The following PPFIA2 variants were observed in gnomAD, a reference collection of about 807,000 sequenced individuals.
The protein encoded by PPFIA2 is PPFI scaffold protein A2, also known as liprin-alpha-2.
Under a neutral mutation model 175.5 loss-of-function variants are expected in PPFIA2, and 46 were observed. That is an observed-to-expected ratio of 0.26 (90% CI 0.21 to 0.34). PPFIA2 has a LOEUF of 0.34. Among genes scored for constraint, PPFIA2 ranks in the 10% least tolerant of loss-of-function variants. PPFIA2 has a pLI of 1.00. For missense variants in PPFIA2, 1,179 were observed against 1,506.1 expected, an observed-to-expected ratio of 0.78 and a Z score of 3.60; for synonymous variants, 568 against 511.4, an observed-to-expected ratio of 1.11 and a Z score of -1.49.
intron 4 of PPFIA2, among the ~76,000 whole-genome samples, chr12:81,555,641 G>A (rs1594887151): frequency 6.6e-6 from 1 of 151,844 alleles, no homozygotes; most frequent in Admixed American, 6.6e-5. Flanking sequence ...GGATGACAAA[G>A]CACAAAAAAT....
chr12:81,288,805 C>T (rs961359728), intron 24 of PPFIA2, among the ~76,000 whole-genome samples: 1 of 151,720 alleles, frequency 6.6e-6, no homozygotes, highest in Non-Finnish European at 1.5e-5. Flanking sequence ...AAATCCTTCT[C>T]ATTATAATAA....
chr12:81,493,099 A>C (rs769860414), intron 4 of PPFIA2, among the ~76,000 whole-genome samples: 5 of 152,034 alleles, frequency 3.3e-5, no homozygotes, highest in Non-Finnish European at 7.4e-5. Context: ...ATTATGAGAA[A>C]AGGTTTGGAA....
chr12:81,363,640 ATTTTTTTTTGTTAATGTG>A (rs2031923552), intron 14 of PPFIA2, among the ~76,000 whole-genome samples: 1 of 149,646 alleles, frequency 6.7e-6, no homozygotes, highest in Admixed American at 6.7e-5. Context: ...TTCTCACCAC[ATTTTTTTTTGTTAATGTG>A]GCCTTTGCAA....
chr12:81,749,693 T>C (rs1238832254), intron 3 of PPFIA2, among the ~76,000 whole-genome samples: 1 of 144,332 alleles, frequency 6.9e-6, no homozygotes, highest in East Asian at 2.1e-4. Flanking sequence ...AGTAATTCCA[T>C]ATTTAATTTT....
intron 29 of PPFIA2, 155 bp from the exon 30 acceptor site, chr12:81,267,175 T>A: frequency 1.6e-6 from 1 of 634,250 alleles, no homozygotes; most frequent in Non-Finnish European, 2.7e-6. Flanking sequence ...CCATTGTAAA[T>A]TTTAACTACA....
chr12:81,566,697 G>C (rs1318187808), intron 4 of PPFIA2, among the ~76,000 whole-genome samples: 1 of 152,096 alleles, frequency 6.6e-6, no homozygotes, highest in Non-Finnish European at 1.5e-5. Context: ...CATTCTCTTA[G>C]GGGGATATAC....
At chr12:81,377,151 G>A (rs2036550472) in intron 9 of PPFIA2, among the ~76,000 whole-genome samples, 1 of 152,084 alleles carries the variant, frequency 6.6e-6, no homozygotes, top group East Asian at 1.9e-4. Flanking sequence ...ATGAAAACTT[G>A]AAGTGAGATG....
At chr12:81,750,740 A>T (rs2471490) in intron 3 of PPFIA2, among the ~76,000 whole-genome samples, 127,160 of 152,114 alleles carry the variant, frequency 0.84, 54,674 homozygotes, top group Middle Eastern at 0.96. Flanking sequence ...ATTGTTGCAT[A>T]CTTTTATAAA....
intron 4 of PPFIA2, among the ~76,000 whole-genome samples, chr12:81,527,359 G>A (rs528790916): frequency 4.5e-5 from 6 of 134,452 alleles, no homozygotes; most frequent in Admixed American, 2.2e-4. Flanking sequence ...TATACACCCC[G>A]GGGAGCTCCA....
intron 4 of PPFIA2, among the ~76,000 whole-genome samples, chr12:81,668,408 A>G (rs1399296704): frequency 6.6e-6 from 1 of 152,058 alleles, no homozygotes; most frequent in Non-Finnish European, 1.5e-5. Context: ...AGAAGAAACA[A>G]ACATCTGATT....
intron 4 of PPFIA2, among the ~76,000 whole-genome samples, chr12:81,666,434 A>T (rs2070304242): frequency 6.6e-6 from 1 of 152,200 alleles, no homozygotes; most frequent in Non-Finnish European, 1.5e-5. Flanking sequence ...TGCAGCCATA[A>T]AAAATGATGA....
Position 81,343,944 on chromosome 12 carries a change from A to C in PPFIA2, c.2262+720T>G, listed in dbSNP as rs141276416. ...CTTTCACATGCAAACCAAACAACTCACAGCCCATACTCTAAATCATCTTCT... is the reference window on the plus strand; with the variant it reads ...CTTTCACATGCAAACCAAACAACTCCCAGCCCATACTCTAAATCATCTTCT... On this transcript the variant is annotated intron_variant, in intron 19 of 32. Coordinates refer to ENST00000549396, the MANE Select transcript of PPFIA2 (RefSeq NM_003625.5). 7.8e-3 allele frequency among the ~76,000 whole-genome samples: 1,184 copies of C among 152,188 alleles called. 6 individuals are homozygous for C. Among genetic ancestry groups the C allele is most frequent in the Non-Finnish European group, 0.012 (818 of 67,996 alleles).
At chr12:81,631,950 A>G (rs989237665) in intron 4 of PPFIA2, among the ~76,000 whole-genome samples, 15 of 152,216 alleles carry the variant, frequency 9.9e-5, no homozygotes, top group Non-Finnish European at 1.6e-4. Flanking sequence ...ATCAATAATA[A>G]GGACAAATTA....
intron 4 of PPFIA2, among the ~76,000 whole-genome samples, chr12:81,525,026 T>C (rs1594474543): frequency 6.6e-6 from 1 of 152,168 alleles, no homozygotes; most frequent in East Asian, 1.9e-4. Flanking sequence ...GAGGGTGCCT[T>C]GATCTTGGAT....
intron 4 of PPFIA2, among the ~76,000 whole-genome samples, chr12:81,474,826 A>T (rs2057277234): frequency 6.6e-6 from 1 of 152,146 alleles, no homozygotes; most frequent in African/African-American, 2.4e-5. Context: ...AAGTTTGCTA[A>T]TTTTGCCCTA....
At chr12:81,389,239 C>G (rs914195218) in intron 8 of PPFIA2, among the ~76,000 whole-genome samples, 1 of 148,340 alleles carries the variant, frequency 6.7e-6, no homozygotes, top group Admixed American at 6.8e-5. Context: ...TGCAAATGAA[C>G]GATATTTATT....
chr12:81,410,742 C>T (rs1403061), intron 7 of PPFIA2, among the ~76,000 whole-genome samples: 54,236 of 151,738 alleles, frequency 0.36, 10,565 homozygotes, highest in East Asian at 0.53. Context: ...GGGCACATGA[C>T]CCAAGCCAGG....
Position 81,715,364 on chromosome 12 carries a change from T to A in PPFIA2, c.250-38520A>T, listed in dbSNP as rs574665445. 3.9e-5 allele frequency among the ~76,000 whole-genome samples: 6 copies of A among 151,912 alleles called. No individual in the cohort carries two copies. The East Asian group carries it at 1.2e-3, about 30-fold the overall frequency. On this transcript the variant is annotated intron_variant, in intron 3 of 32. Transcript: ENST00000549396. ...ATACATATTAATAGCGAAATCGGTATGTGTTCTTAAATTTGTGCTTGTGCT... is the reference window on the plus strand; with the variant it reads ...ATACATATTAATAGCGAAATCGGTAAGTGTTCTTAAATTTGTGCTTGTGCT...
chr12:81,672,520 G>A (rs1175871999), intron 4 of PPFIA2, among the ~76,000 whole-genome samples: 1 of 151,874 alleles, frequency 6.6e-6, no homozygotes, highest in Non-Finnish European at 1.5e-5. Context: ...AGAATGTTCA[G>A]GACAGTGTGC....
Sources: allele counts gnomAD v4.1 joint callset (sites outside exome capture counted in the v4.1 genomes callset), GRCh38; gene constraint gnomAD v4.1.1; transcripts MANE v1.5; gene names NCBI Gene and HGNC (gene_info 2026-07-23, HGNC 2026-07-21).